CC2D2B: variants seen among roughly 807,000 people sequenced by gnomAD.
The protein encoded by CC2D2B is coiled-coil and C2 domain containing 2B.
In CC2D2B, 128 loss-of-function variants were observed where a neutral mutation model predicts 161.2. That is an observed-to-expected ratio of 0.79 (90% confidence interval 0.69 to 0.92). CC2D2B has a LOEUF of 0.92. Ranked by LOEUF, CC2D2B falls within the 40% of genes least tolerant of loss-of-function variation. The probability of loss-of-function intolerance (pLI) is 0.00; values close to 1 mark genes in which losing one functional copy is unlikely to be tolerated. For synonymous variants in CC2D2B, 391 were observed against 449.8 expected (o/e 0.87, Z 1.65); for missense variants, 1,173 against 1,375.1 (o/e 0.85, Z 2.32).
intron 6 of CC2D2B, among the ~76,000 whole-genome samples, chr10:95,937,719 T>A (rs1351470976): frequency 1.3e-5 from 2 of 152,176 alleles, no homozygotes; most frequent in Non-Finnish European, 2.9e-5. Flanking sequence ...CTCAGAACAT[T>A]TTCCATAGGG....
chr10:95,961,656 T>G (rs752585270), intron 11 of CC2D2B, 173 bp from the exon 12 acceptor site: 2 of 388,112 alleles, frequency 5.2e-6, no homozygotes, highest in Non-Finnish European at 9.0e-6. Flanking sequence ...CTAATGGAAT[T>G]GCAGTGGGTA....
In CC2D2B at chr10:95,992,759, C is replaced by G. The variant is rs886401578; in HGVS notation, c.2642+62C>G. The stretch of plus-strand genomic sequence containing the variant: ...GGTCTATTTTAAATGTGAGAATTCT[C>G]CATGCTGTTCTATTTGTAAACCTTT... On this transcript the variant is annotated intron_variant, in intron 22 of 34. Transcript: ENST00000646931. 12 of 1,043,788 alleles carry G rather than the reference C, an allele frequency of 1.1e-5. No individual in the cohort carries two copies. The African/African-American group carries it at 2.0e-4, about 17-fold the overall frequency. The allele number at this position is 1,043,788 out of a possible 1,614,324, so 64.7% of individuals were successfully genotyped here.
intron 11 of CC2D2B, among the ~76,000 whole-genome samples, chr10:95,957,741 A>C (rs1464639330): frequency 6.6e-6 from 1 of 151,264 alleles, no homozygotes; most frequent in African/African-American, 2.4e-5. Flanking sequence ...TTGTATTTTT[A>C]GTAGAGATGG....
intron 11 of CC2D2B, chr10:95,961,561 G>A (rs2076763608): frequency 4.2e-6 from 1 of 237,814 alleles, no homozygotes; most frequent in Admixed American, 5.6e-5. Context: ...TTCTAGCTAG[G>A]CTATTTCCTT....
rs1475992109 is a variant in CC2D2B, at chr10:96,025,164, T to A, written c.3947+253T>A. On this transcript the variant is annotated intron_variant, in intron 33 of 34. Transcript: ENST00000646931. ...TCTCTACTAAAAAAAAATATATATA[T>A]ATATATATATATATATATATAAAAA... is the stretch of plus-strand genomic sequence containing the variant. Among the ~76,000 whole-genome samples the A allele has an allele frequency of 3.7e-3, 28 of 7,560 alleles. 1 individual carries two copies. The highest frequency in any genetic ancestry group is 7.6e-3 in the Admixed American group (4 of 524). 5.0% of individuals were successfully genotyped at this position (7,560 alleles called of 152,430 possible).
intron 28 of CC2D2B, among the ~76,000 whole-genome samples, 154 bp from the exon 29 acceptor site, chr10:96,013,634 C>T (rs1402355017): frequency 6.6e-6 from 1 of 151,912 alleles, no homozygotes; most frequent in Non-Finnish European, 1.5e-5. Flanking sequence ...TATTTTATTA[C>T]TCCAAGCTTA....
At position 96,012,196 on chromosome 10, in the gene CC2D2B, A is replaced by G; in HGVS notation, c.3057A>G (p.Thr1019=). The change falls in exon 27 of 35, where the codon ACA becomes ACG. Residue 1019 remains threonine, a synonymous_variant. Coordinates refer to ENST00000646931, the MANE Select transcript of CC2D2B (RefSeq NM_001349008.3). ...ATATACTCTTTCAGATTAGTGGAAC[A>G]TTTCAAGTAACTATTCCACCAGTTT... ...ALLQQSEISG[T]FQVTIPPVLL... The G allele has an allele frequency of 1.5e-6, 1 of 685,450 alleles. No individual in the cohort carries two copies. The highest frequency in any genetic ancestry group is 2.7e-6 in the Non-Finnish European group (1 of 373,996). 42.5% of individuals were successfully genotyped at this position (685,450 alleles called of 1,614,324 possible). A position where few individuals can be genotyped will look rare whatever the true frequency, so the allele number is the denominator to read the frequency against.
Position 95,961,946 on chromosome 10 carries a change from C to A in CC2D2B, c.1227C>A (p.Thr409=), listed in dbSNP as rs1056281220. 8.1e-7 allele frequency: 1 copy of A among 1,231,378 alleles called. No homozygotes were observed. The highest frequency in any genetic ancestry group is 1.6e-5 in the African/African-American group (1 of 64,300). 76.3% of individuals were successfully genotyped at this position (1,231,378 alleles called of 1,614,324 possible). A position where few individuals can be genotyped will look rare whatever the true frequency, so the allele number is the denominator to read the frequency against. ...GACATGGGCAAGGGTTTACAAGCAC[C>A]CCAATAAAGTTACAGGTTCAGAGGT... ...SLRHGQGFTS[T]PIKLQVQRIK... The change falls in exon 12 of 35, where the codon ACC becomes ACA. Residue 409 remains threonine (T), a synonymous_variant. Transcript: ENST00000646931.
At position 96,009,820 on chromosome 10, in the gene CC2D2B, C is replaced by T. The variant is rs2078910528; in HGVS notation, c.2947-5C>T. 6.9e-7 allele frequency: 1 copy of T among 1,446,610 alleles called. No individual in the cohort carries two copies. The allele number at this position is 1,446,610 out of a possible 1,614,324, so 89.6% of individuals were successfully genotyped here. Reference sequence around the variant, plus strand: ...TAAGTAATAAAAAATTATTTATTTTCATAGGATCACTGTCTCAAGAGCTGT... The same window carrying T: ...TAAGTAATAAAAAATTATTTATTTTTATAGGATCACTGTCTCAAGAGCTGT... On this transcript the variant is annotated splice_region_variant and splice_polypyrimidine_tract_variant and intron_variant, in intron 25 of 34. Coordinates refer to ENST00000646931, the MANE Select transcript of CC2D2B (RefSeq NM_001349008.3).
chr10:96,027,939 G>T (rs191518892), intron 34 of CC2D2B, among the ~76,000 whole-genome samples: 28 of 152,240 alleles, frequency 1.8e-4, no homozygotes, highest in East Asian at 1.7e-3. Context: ...TTCATATGCA[G>T]AAGAAGGAAA....
chr10:95,947,109 ATATATTTT>A (rs1418719020), intron 9 of CC2D2B, among the ~76,000 whole-genome samples: 4 of 40,060 alleles, frequency 1.0e-4, no homozygotes, highest in East Asian at 1.2e-3. Flanking sequence ...ATATATATAT[ATATATTTT>A]TTTTTTTTTT....
At chr10:96,016,959 C>T (rs1258649195) in intron 30 of CC2D2B, among the ~76,000 whole-genome samples, 1 of 152,130 alleles carries the variant, frequency 6.6e-6, no homozygotes, top group African/African-American at 2.4e-5. Context: ...CTCAGGTGAT[C>T]CACCCGCCTT....
At chr10:95,986,753 T>C (rs11188543) in intron 19 of CC2D2B, among the ~76,000 whole-genome samples, 93,392 of 151,584 alleles carry the variant, frequency 0.62, 28,837 homozygotes, top group East Asian at 0.82. Context: ...TGCGCTGTCA[T>C]GCCTGGCTAA....
At chr10:95,973,421 C>T (rs558148293) in intron 16 of CC2D2B, among the ~76,000 whole-genome samples, 1 of 152,170 alleles carries the variant, frequency 6.6e-6, no homozygotes, top group Admixed American at 6.5e-5. Context: ...GAAGCCACTC[C>T]CACAGAGAAT....
chr10:96,008,702 T>C (rs2078861651), intron 25 of CC2D2B, among the ~76,000 whole-genome samples: 1 of 152,178 alleles, frequency 6.6e-6, no homozygotes, highest in African/African-American at 2.4e-5. Flanking sequence ...ATATCTTTTT[T>C]GGTGAGGTGT....
intron 3 of CC2D2B, among the ~76,000 whole-genome samples, chr10:95,922,906 G>A (rs1204897712): frequency 6.6e-6 from 1 of 151,724 alleles, no homozygotes; most frequent in African/African-American, 2.4e-5. Flanking sequence ...CTCAAGCGGT[G>A]GTCCCACCTC....
At chr10:95,913,587 T>C (rs2098510520) in intron 2 of CC2D2B, 1 of 161,226 alleles carries the variant, frequency 6.2e-6, no homozygotes, top group Non-Finnish European at 1.4e-5. Context: ...CCACCAACAG[T>C]GTATTAGGGT....
At chr10:96,022,468 AAAAGTCATTTT>A (rs2079511617) in intron 32 of CC2D2B, 1 of 152,188 alleles carries the variant, frequency 6.6e-6, no homozygotes, top group Non-Finnish European at 1.5e-5. Context: ...TTCCTACTTG[AAAAGTCATTTT>A]AAAGAAAGGG....
intron 1 of CC2D2B, among the ~76,000 whole-genome samples, chr10:95,910,310 A>T (rs1474326261): frequency 6.6e-6 from 1 of 152,238 alleles, no homozygotes; most frequent in Non-Finnish European, 1.5e-5. Flanking sequence ...GGTAATTTAT[A>T]AAGAAAAGAG....
Sources: gnomAD v4.1 joint callset for allele counts (sites outside exome capture counted in the v4.1 genomes callset) on GRCh38, gnomAD v4.1.1 for gene constraint, MANE v1.5 for transcripts, NCBI Gene and HGNC (gene_info 2026-07-23, HGNC 2026-07-21) for gene names.